Variants in DPP10 observed in about 807,000 individuals in gnomAD.
DPP10 encodes the protein inactive dipeptidyl peptidase 10.
DPP10 carries 33 observed loss-of-function variants against 120.9 expected under a neutral mutation model. The observed-to-expected ratio is 0.27, with a 90% CI of 0.21 to 0.37. The LOEUF is 0.37. Among genes scored for constraint, DPP10 ranks in the 10% least tolerant of loss-of-function variants. The probability of loss-of-function intolerance (pLI) is 1.00; values close to 1 mark genes in which losing one functional copy is unlikely to be tolerated. For synonymous variants in DPP10, 337 were observed against 326.1 expected, an observed-to-expected ratio of 1.03 and a Z score of -0.36; for missense variants, 816 against 942.8, an observed-to-expected ratio of 0.87 and a Z score of 1.76.
At chr2:114,767,489 C>T (rs1262496325) in intron 1 of DPP10, among the ~76,000 whole-genome samples, 2 of 151,482 alleles carry the variant, frequency 1.3e-5, no homozygotes, top group Non-Finnish European at 2.9e-5. Flanking sequence ...AAAAGGATGC[C>T]CATGATGTAG....
intron 7 of DPP10, among the ~76,000 whole-genome samples, chr2:115,707,462 A>ACT (rs749106578): frequency 0.01 from 1,351 of 134,362 alleles, 37 homozygotes; most frequent in African/African-American, 0.037. Flanking sequence ...ACACACACAC[A>ACT]CTCTCTCCAC....
At chr2:115,035,360 C>A (rs1422862505) in intron 1 of DPP10, among the ~76,000 whole-genome samples, 1 of 152,150 alleles carries the variant, frequency 6.6e-6, no homozygotes, top group Non-Finnish European at 1.5e-5. Flanking sequence ...TTTTATAACA[C>A]AAAATCTTAA....
chr2:114,601,018 A>T (rs577748501), intron 1 of DPP10, among the ~76,000 whole-genome samples: 1 of 151,922 alleles, frequency 6.6e-6, no homozygotes, highest in Non-Finnish European at 1.5e-5. Context: ...CTCCCAACTT[A>T]CCTTAGAAGG....
At chr2:115,578,764 G>T (rs1173478203) in intron 5 of DPP10, among the ~76,000 whole-genome samples, 1 of 152,174 alleles carries the variant, frequency 6.6e-6, no homozygotes, top group Non-Finnish European at 1.5e-5. Flanking sequence ...CTAAGGCACT[G>T]ACATACAGAG....
chr2:114,583,285 A>G (rs548410691), intron 1 of DPP10, among the ~76,000 whole-genome samples: 123 of 151,130 alleles, frequency 8.1e-4, no homozygotes, highest in Non-Finnish European at 1.5e-3. Context: ...ACAGACTGAC[A>G]GAAATTGGTG....
At chr2:115,402,939 A>ATATG (rs1553584553) in intron 3 of DPP10, among the ~76,000 whole-genome samples, 1,517 of 133,494 alleles carry the variant, frequency 0.011, 27 homozygotes, top group African/African-American at 0.046. Flanking sequence ...GTATATATAT[A>ATATG]TGTGTGTGTG....
At chr2:115,652,476 A>T (rs987468939) in intron 5 of DPP10, among the ~76,000 whole-genome samples, 1 of 150,920 alleles carries the variant, frequency 6.6e-6, no homozygotes, top group Admixed American at 6.7e-5. Flanking sequence ...TAATACCTTT[A>T]TATATTATAT....
intron 1 of DPP10, among the ~76,000 whole-genome samples, chr2:114,965,840 C>G (rs559829532): frequency 6.6e-6 from 1 of 151,492 alleles, no homozygotes; most frequent in Non-Finnish European, 1.5e-5. Flanking sequence ...ATGGCGAGCA[C>G]CTGTAGTCCC....
chr2:115,569,435 G>T (rs2081209402), intron 5 of DPP10, among the ~76,000 whole-genome samples: 1 of 152,094 alleles, frequency 6.6e-6, no homozygotes, highest in African/African-American at 2.4e-5. Context: ...TGGTGTCATT[G>T]GTCTTGAAAA....
intron 3 of DPP10, among the ~76,000 whole-genome samples, chr2:115,489,520 G>A: frequency 6.6e-6 from 1 of 151,538 alleles, no homozygotes; most frequent in East Asian, 1.9e-4. Flanking sequence ...TAACAAAACA[G>A]TCCCTTTGTG....
At chr2:114,551,261 T>A (rs1249334373) in intron 1 of DPP10, among the ~76,000 whole-genome samples, 2 of 152,220 alleles carry the variant, frequency 1.3e-5, no homozygotes, top group African/African-American at 2.4e-5. Flanking sequence ...CTAAAACATA[T>A]TCTCAGTGTC....
intron 3 of DPP10, among the ~76,000 whole-genome samples, chr2:115,479,334 T>A (rs184367834): frequency 1.3e-5 from 2 of 152,266 alleles, no homozygotes; most frequent in African/African-American, 4.8e-5. Flanking sequence ...TGTATGACTT[T>A]ATTTATATGA....
chr2:115,038,686 T>A (rs1704411741), intron 1 of DPP10, among the ~76,000 whole-genome samples: 1 of 152,180 alleles, frequency 6.6e-6, no homozygotes, highest in South Asian at 2.1e-4. Context: ...TTGATGAGTC[T>A]CCTTAATTGT....
chr2:114,949,446 C>T (rs1697613509), intron 1 of DPP10, among the ~76,000 whole-genome samples: 1 of 152,094 alleles, frequency 6.6e-6, no homozygotes, highest in South Asian at 2.1e-4. Context: ...ACTTTCTACC[C>T]CAGCTATTAT....
intron 1 of DPP10, among the ~76,000 whole-genome samples, chr2:115,164,169 T>A (rs562778003): frequency 1.3e-5 from 2 of 152,158 alleles, no homozygotes; most frequent in Non-Finnish European, 1.5e-5. Flanking sequence ...AACTGAAATA[T>A]ACACATGGCA....
chr2:115,120,081 C>T (rs1452202033), intron 1 of DPP10, among the ~76,000 whole-genome samples: 1 of 152,192 alleles, frequency 6.6e-6, no homozygotes. Flanking sequence ...TAGGTCTTGA[C>T]AATTTTGGAG....
chr2:115,791,676 G>T (rs952489191), intron 19 of DPP10, among the ~76,000 whole-genome samples: 6 of 152,116 alleles, frequency 3.9e-5, no homozygotes, highest in African/African-American at 1.2e-4. Flanking sequence ...ATGCAACATT[G>T]TGGAACATGT....
At chr2:115,825,009 AC>A (rs1398283753) in intron 21 of DPP10, among the ~76,000 whole-genome samples, 1 of 152,226 alleles carries the variant, frequency 6.6e-6, no homozygotes, top group African/African-American at 2.4e-5. Flanking sequence ...ATAGATGTCA[AC>A]TTTTGTCTTT....
intron 3 of DPP10, among the ~76,000 whole-genome samples, chr2:115,408,702 C>T (rs1054389817): frequency 6.6e-6 from 1 of 151,944 alleles, no homozygotes; most frequent in Non-Finnish European, 1.5e-5. Context: ...GAAAATTAAT[C>T]ATAAAGTTAT....
Sources: gnomAD v4.1 joint callset for allele counts (sites outside exome capture counted in the v4.1 genomes callset) on GRCh38, gnomAD v4.1.1 for gene constraint, MANE v1.5 for transcripts, NCBI Gene and HGNC (gene_info 2026-07-23, HGNC 2026-07-21) for gene names.